HDAC9: variants seen among roughly 807,000 people sequenced by gnomAD.
HDAC9 encodes the protein MEF-2 interacting transcription repressor (MITR) protein.
Under a neutral mutation model 139.4 loss-of-function variants are expected in HDAC9, and 41 were observed. The observed-to-expected ratio is 0.29, with a 90% confidence interval of 0.23 to 0.38. The LOEUF (loss-of-function observed/expected upper bound fraction) is 0.38, where lower values mean the gene tolerates loss of function less well. HDAC9 is among the 10% of genes least tolerant of loss of function. The pLI is 1.00. For missense variants in HDAC9, 1,147 were observed against 1,297.0 expected (o/e 0.88, Z 1.78); for synonymous variants, 517 against 476.2 (o/e 1.09, Z -1.12).
chr7:18,713,545 T>C (rs1455596977), intron 12 of HDAC9, among the ~76,000 whole-genome samples: 1 of 152,170 alleles, frequency 6.6e-6, no homozygotes, highest in African/African-American at 2.4e-5. Flanking sequence ...TTACAATTAA[T>C]TTTTCAAAAG....
chr7:18,327,247 A>G (rs893885422), intron 1 of HDAC9, among the ~76,000 whole-genome samples: 2 of 151,898 alleles, frequency 1.3e-5, no homozygotes, highest in Non-Finnish European at 2.9e-5. Flanking sequence ...ATTTCTTATG[A>G]TGAGCAGTTA....
intron 1 of HDAC9, among the ~76,000 whole-genome samples, chr7:18,130,374 G>C (rs1159742262): frequency 1.3e-5 from 2 of 152,096 alleles, no homozygotes; most frequent in African/African-American, 4.8e-5. Flanking sequence ...AGTGGCATGA[G>C]GGACGGTGAT....
chr7:18,444,512 C>G (rs1442379007), intron 1 of HDAC9, among the ~76,000 whole-genome samples: 1 of 151,856 alleles, frequency 6.6e-6, no homozygotes, highest in Non-Finnish European at 1.5e-5. Context: ...ACTGTATATC[C>G]CATACTCATC....
At chr7:18,454,642 T>C (rs1793181245) in intron 1 of HDAC9, among the ~76,000 whole-genome samples, 1 of 152,064 alleles carries the variant, frequency 6.6e-6, no homozygotes, top group Admixed American at 6.6e-5. Flanking sequence ...TTCTTATTGC[T>C]CACCATGTGA....
chr7:18,866,509 G>A lies in HDAC9; in HGVS notation c.2685-7969G>A, dbSNP rs140403458. 4.6e-5 allele frequency among the ~76,000 whole-genome samples: 7 copies of A among 152,220 alleles called. No individual in the cohort carries two copies. The East Asian group carries it at 1.4e-3, about 29-fold the overall frequency. Reference sequence around the variant, plus strand: ...CTCTGTCCCTCAGTACACTGTGTGTGCCTGGGTTTGTTTTCCACCTGCCTT... The same window carrying A: ...CTCTGTCCCTCAGTACACTGTGTGTACCTGGGTTTGTTTTCCACCTGCCTT... On this transcript the variant is annotated intron_variant, in intron 21 of 25. Coordinates refer to ENST00000686413, the MANE Select transcript of HDAC9 (RefSeq NM_178425.4).
chr7:18,269,643 G>A (rs1421057084), intron 2 of HDAC9, among the ~76,000 whole-genome samples: 1 of 152,124 alleles, frequency 6.6e-6, no homozygotes, highest in Non-Finnish European at 1.5e-5. Flanking sequence ...GATTGCTTGA[G>A]CCCTGGAGTT....
chr7:18,116,384 A>G (rs1205078131), intron 1 of HDAC9, among the ~76,000 whole-genome samples: 1 of 152,196 alleles, frequency 6.6e-6, no homozygotes, highest in African/African-American at 2.4e-5. Context: ...TTATCTGTCA[A>G]CTATCACTTT....
chr7:18,497,079 C>T (rs1797135049), intron 2 of HDAC9, among the ~76,000 whole-genome samples: 1 of 152,078 alleles, frequency 6.6e-6, no homozygotes, highest in Non-Finnish European at 1.5e-5. Flanking sequence ...GCTTGTCAGC[C>T]TTGTCAATTT....
intron 25 of HDAC9, among the ~76,000 whole-genome samples, chr7:18,990,180 T>C (rs1459790150): frequency 2.6e-5 from 4 of 152,140 alleles, no homozygotes; most frequent in Non-Finnish European, 4.4e-5. Context: ...CCCATCTTTG[T>C]GGTTTTATCT....
Position 18,155,720 on chromosome 7 carries a change from A to G in HDAC9, c.-96-6509A>G, listed in dbSNP as rs78860047. Among the ~76,000 whole-genome samples the G allele has an allele frequency of 2.9e-3, 436 of 152,284 alleles. 2 individuals carry two copies. The highest frequency in any genetic ancestry group is 9.9e-3 in the African/African-American group (413 of 41,546). On this transcript the variant is annotated intron_variant, in intron 1 of 12. Transcript: ENST00000417496. ...TTAGATGTGTGGCCTTCTGGGTGAC[A>G]TGTTCTGCTCCTAGATACTCTAAGG...
chr7:18,173,205 A>G (rs1212284563), intron 2 of HDAC9, among the ~76,000 whole-genome samples: 1 of 152,226 alleles, frequency 6.6e-6, no homozygotes, highest in Middle Eastern at 3.4e-3. Flanking sequence ...CCATTATGTA[A>G]TGGCCTGCTT....
chr7:18,146,877 C>T (rs772312056), intron 1 of HDAC9, among the ~76,000 whole-genome samples: 21 of 152,032 alleles, frequency 1.4e-4, no homozygotes, highest in African/African-American at 3.4e-4. Context: ...GCCCTGGGGG[C>T]GTTAGACAGA....
At chr7:18,985,937 T>C (rs1785311582) in intron 25 of HDAC9, among the ~76,000 whole-genome samples, 1 of 56,810 alleles carries the variant, frequency 1.8e-5, no homozygotes, top group Non-Finnish European at 2.9e-5. Flanking sequence ...TTCTTGTAAA[T>C]TTGTTTGAGT....
At chr7:18,392,205 G>A (rs1382387998) in intron 1 of HDAC9, among the ~76,000 whole-genome samples, 2 of 151,688 alleles carry the variant, frequency 1.3e-5, no homozygotes, top group Non-Finnish European at 2.9e-5. Context: ...ATTATAATAT[G>A]ATCCACAAGT....
intron 1 of HDAC9, among the ~76,000 whole-genome samples, chr7:18,150,703 C>G (rs1288333763): frequency 1.3e-5 from 2 of 152,204 alleles, no homozygotes; most frequent in Non-Finnish European, 2.9e-5. Context: ...TGTTCCAACA[C>G]TGCTACTCCT....
At chr7:18,569,418 C>G (rs1361063467) in intron 2 of HDAC9, among the ~76,000 whole-genome samples, 6 of 152,162 alleles carry the variant, frequency 3.9e-5, no homozygotes, top group Non-Finnish European at 5.9e-5. Flanking sequence ...CCACAGTTTC[C>G]TAACTCCTGT....
intron 8 of HDAC9, among the ~76,000 whole-genome samples, chr7:18,639,572 A>AT (rs1286566313): frequency 6.6e-6 from 1 of 152,006 alleles, no homozygotes; most frequent in Non-Finnish European, 1.5e-5. Context: ...TGCTTCAACA[A>AT]TTTTTTTAAT....
At chr7:18,426,077 A>C (rs1012622729) in intron 1 of HDAC9, among the ~76,000 whole-genome samples, 9 of 152,302 alleles carry the variant, frequency 5.9e-5, no homozygotes, top group Non-Finnish European at 1.3e-4. Context: ...ATGCAGATGC[A>C]GTGTTTTCAT....
At chr7:18,484,813 A>G (rs1229635478) in intron 1 of HDAC9, among the ~76,000 whole-genome samples, 1 of 151,602 alleles carries the variant, frequency 6.6e-6, no homozygotes, top group African/African-American at 2.4e-5. Flanking sequence ...TGATTATGCT[A>G]TTGCATGGCA....
Sources: gnomAD v4.1 joint callset for allele counts (sites outside exome capture counted in the v4.1 genomes callset) on GRCh38, gnomAD v4.1.1 for gene constraint, MANE v1.5 for transcripts, NCBI Gene and HGNC (gene_info 2026-07-23, HGNC 2026-07-21) for gene names.